RNF169: variants seen among roughly 807,000 people sequenced by gnomAD.
RNF169 encodes E3 ubiquitin-protein ligase RNF169.
RNF169 carries 24 observed loss-of-function variants against 53.9 expected under a neutral mutation model. The observed-to-expected ratio is 0.45, with a 90% CI of 0.32 to 0.63. The LOEUF is 0.63. RNF169 is among the 20% of genes least tolerant of loss of function. RNF169 has a pLI of 0.04. For missense variants in RNF169, 883 were observed against 906.2 expected, an observed-to-expected ratio of 0.97 and a Z score of 0.33; for synonymous variants, 396 against 363.5, an observed-to-expected ratio of 1.09 and a Z score of -1.02.
intron 1 of RNF169, among the ~76,000 whole-genome samples, chr11:74,781,306 G>A (rs954096803): frequency 6.6e-6 from 1 of 152,206 alleles, no homozygotes; most frequent in Admixed American, 6.5e-5. Flanking sequence ...AGAGAAGATG[G>A]TGGATCCTCT....
chr11:74,795,135 A>G (rs1049453767), intron 2 of RNF169, among the ~76,000 whole-genome samples: 4 of 149,936 alleles, frequency 2.7e-5, no homozygotes, highest in Non-Finnish European at 5.9e-5. Context: ...AAATAATACA[A>G]TCTATTTGGT....
chr11:74,792,622 C>T (rs565522291), intron 2 of RNF169, among the ~76,000 whole-genome samples: 6 of 152,138 alleles, frequency 3.9e-5, no homozygotes, highest in South Asian at 4.2e-4. Flanking sequence ...AGGCTGGTCT[C>T]GAACTCCTGA....
At chr11:74,834,625 C>T in intron 4 of RNF169, 51 bp from the exon 5 acceptor site, 1 of 1,356,992 alleles carries the variant, frequency 7.4e-7, no homozygotes, top group Non-Finnish European at 1.0e-6. Context: ...TTTTTCCTTA[C>T]CTATATATGG....
chr11:74,831,717 G>C (rs1282022853), intron 4 of RNF169: 1 of 145,580 alleles, frequency 6.9e-6, no homozygotes, highest in Non-Finnish European at 1.5e-5. Flanking sequence ...AAAGAACAAA[G>C]GTGGAAGACT....
chr11:74,781,964 TACATAACTGCCA>T (rs564503042), intron 1 of RNF169, among the ~76,000 whole-genome samples: 44 of 152,352 alleles, frequency 2.9e-4, no homozygotes, highest in African/African-American at 1.0e-3. Context: ...CCTGGCATGC[TACATAACTGCCA>T]ACCACTGTAA....
chr11:74,840,583 C>T lies in RNF169; in HGVS notation c.*3853C>T, dbSNP rs1044188985. 7.2e-5 allele frequency: 11 copies of T among 152,302 alleles called. 1 individual carries two copies. The highest frequency in any genetic ancestry group is 2.6e-4 in the African/African-American group (11 of 41,560). The allele number at this position is 152,302 out of a possible 1,614,324, so 9.4% of individuals were successfully genotyped here. ...GCCCACACCTCAATTCAGTAACCAC[C>T]TAATCTCTCCCCCAACCTGATCTCT... On this transcript the variant is annotated 3_prime_UTR_variant, in exon 6 of 6. Coordinates refer to ENST00000299563, the MANE Select transcript of RNF169 (RefSeq NM_001098638.2).
In RNF169 at chr11:74,836,130, A is replaced by T. The variant is rs1234341171; in HGVS notation, c.1527A>T (p.Gln509His). Residue 509 changes from glutamine (Q) to histidine (H), a missense_variant, in exon 6 of 6, where the codon CAA (glutamine) becomes CAT (histidine). Gln to His is a conservative substitution (Grantham distance 24). This residue lies in a region of RNF169 where 351 missense variants were observed against 337.3 expected (regional missense o/e 1.04). Coordinates refer to ENST00000299563, the MANE Select transcript of RNF169 (RefSeq NM_001098638.2). The part of the protein sequence containing the change: ...ADLDHFPSVS[Q>H]TKAEQDSDNK... The stretch of plus-strand genomic sequence containing the variant: ...TTGATCATTTCCCCTCTGTTAGCCA[A>T]ACAAAAGCAGAACAGGACAGTGATA... 2 of 1,614,162 alleles carry T rather than the reference A, an allele frequency of 1.2e-6. No homozygotes were observed. The highest frequency in any genetic ancestry group is 3.3e-5 in the Admixed American group (2 of 60,020).
intron 1 of RNF169, among the ~76,000 whole-genome samples, chr11:74,778,364 G>T (rs11236245): frequency 1.1e-4 from 17 of 152,100 alleles, no homozygotes; most frequent in South Asian, 1.0e-3. Flanking sequence ...ATGTTATCAC[G>T]AATTTTTTTT....
intron 2 of RNF169, among the ~76,000 whole-genome samples, chr11:74,798,063 AT>A (rs2035674367): frequency 6.6e-6 from 1 of 152,198 alleles, no homozygotes. Flanking sequence ...AGGAGGATGT[AT>A]GTCGCCTCAG....
At chr11:74,753,318 G>A (rs2135301066) in intron 1 of RNF169, among the ~76,000 whole-genome samples, 1 of 152,300 alleles carries the variant, frequency 6.6e-6, no homozygotes, top group Non-Finnish European at 1.5e-5. Context: ...AGAGAAAACT[G>A]AGGCCCAGAA....
chr11:74,791,825 C>T (rs1455840088), intron 2 of RNF169, among the ~76,000 whole-genome samples: 1 of 152,212 alleles, frequency 6.6e-6, no homozygotes, highest in East Asian at 1.9e-4. Flanking sequence ...GGGATCCCAC[C>T]TCTTCAACTT....
At chr11:74,769,659 AAAAAATACTTGC>A (rs1348239602) in intron 1 of RNF169, among the ~76,000 whole-genome samples, 88 of 152,330 alleles carry the variant, frequency 5.8e-4, no homozygotes, top group African/African-American at 2.1e-3. Flanking sequence ...ATAAATCTGG[AAAAAATACTTGC>A]AAAAGGAAAA....
chr11:74,780,280 G>T (rs2035398092), intron 1 of RNF169, among the ~76,000 whole-genome samples: 1 of 152,010 alleles, frequency 6.6e-6, no homozygotes, highest in Non-Finnish European at 1.5e-5. Context: ...CTCTACTTTT[G>T]TTTTCTTCCT....
At chr11:74,796,539 TCTG>T (rs1474733921) in intron 2 of RNF169, among the ~76,000 whole-genome samples, 22 of 152,380 alleles carry the variant, frequency 1.4e-4, no homozygotes, top group Admixed American at 1.4e-3. Flanking sequence ...CATTATTTCT[TCTG>T]CTTTGCTTGT....
In RNF169 at chr11:74,749,123, G is replaced by A. The variant is rs911491840; in HGVS notation, c.243G>A (p.Leu81=). 5.2e-5 allele frequency: 70 copies of A among 1,355,154 alleles called. No individual in the cohort carries two copies. The African/African-American group carries it at 9.7e-4, about 19-fold the overall frequency. 83.9% of individuals were successfully genotyped at this position (1,355,154 alleles called of 1,614,324 possible). The change falls in exon 1 of 6, where the codon CTG becomes CTA. Residue 81 remains leucine (L), a synonymous_variant. Transcript: ENST00000299563. ...CLEPPGEAAA[L]PCGHSLCRGC... ...AGCCCCCCGGAGAAGCAGCGGCCCT[G>A]CCGTGCGGCCACTCGCTTTGCCGAG... is the stretch of plus-strand genomic sequence containing the variant.
chr11:74,768,311 A>C (rs2035205662), intron 1 of RNF169, among the ~76,000 whole-genome samples: 1 of 152,216 alleles, frequency 6.6e-6, no homozygotes, highest in Non-Finnish European at 1.5e-5. Flanking sequence ...CCATATGCAA[A>C]AAATTATTTG....
intron 3 of RNF169, among the ~76,000 whole-genome samples, chr11:74,813,055 A>T (rs2035895768): frequency 6.6e-6 from 1 of 152,190 alleles, no homozygotes; most frequent in African/African-American, 2.4e-5. Context: ...TTATCTCTCC[A>T]TGTCCAGTTC....
intron 2 of RNF169, among the ~76,000 whole-genome samples, chr11:74,791,136 G>A (rs1331784072): frequency 2.0e-5 from 3 of 152,124 alleles, no homozygotes; most frequent in East Asian, 3.9e-4. Context: ...CAGGTCGTCC[G>A]GACATCTACT....
At chr11:74,795,432 C>G (rs774588507) in intron 2 of RNF169, among the ~76,000 whole-genome samples, 19 of 152,158 alleles carry the variant, frequency 1.2e-4, no homozygotes, top group Non-Finnish European at 2.6e-4. Flanking sequence ...AATCCTCCCT[C>G]CTGGGCCTCC....
Sources: allele counts gnomAD v4.1 joint callset (sites outside exome capture counted in the v4.1 genomes callset), GRCh38; gene constraint gnomAD v4.1.1; regional missense constraint gnomAD v4.1.1; transcripts MANE v1.5; gene names NCBI Gene and HGNC (gene_info 2026-07-23, HGNC 2026-07-21).